Variants in OXR1 observed in about 807,000 individuals in gnomAD.
OXR1 encodes oxidation resistance 1.
OXR1 carries 41 observed loss-of-function variants against 104.6 expected under a neutral mutation model. The ratio of observed to expected loss-of-function variants is 0.39; its 90% confidence interval spans 0.31 to 0.51. OXR1 has a LOEUF of 0.51. Among genes scored for constraint, OXR1 ranks in the 20% least tolerant of loss-of-function variants. OXR1 has a pLI of 0.77. For synonymous variants in OXR1, 348 were observed against 348.4 expected (o/e 1.00, Z 0.01); for missense variants, 955 against 1,031.9 (o/e 0.93, Z 1.02).
At chr8:106,563,168 C>T (rs1409478106) in intron 3 of OXR1, among the ~76,000 whole-genome samples, 2 of 151,812 alleles carry the variant, frequency 1.3e-5, no homozygotes, top group Non-Finnish European at 1.5e-5. Flanking sequence ...TTAAAAGGCA[C>T]AGACTGGCAA....
intron 3 of OXR1, among the ~76,000 whole-genome samples, chr8:106,669,159 A>C (rs1253070220): frequency 1.3e-5 from 2 of 152,108 alleles, no homozygotes; most frequent in African/African-American, 4.8e-5. Context: ...GGAAAGAGGA[A>C]CATGCAGAAG....
intron 11 of OXR1, among the ~76,000 whole-genome samples, chr8:106,719,546 T>C (rs900654960): frequency 6.6e-6 from 1 of 152,210 alleles, no homozygotes; most frequent in African/African-American, 2.4e-5. Flanking sequence ...TCTCAAATGC[T>C]GCAGTTAGTT....
chr8:106,501,674 C>G (rs1448056105), intron 2 of OXR1, among the ~76,000 whole-genome samples: 1 of 152,140 alleles, frequency 6.6e-6, no homozygotes, highest in African/African-American at 2.4e-5. Context: ...CTCTGCAGAA[C>G]AAAATCCTTT....
In OXR1 at chr8:106,474,013, AC is replaced by A. The variant is rs1337124439; in HGVS notation, c.24-44929del. On this transcript the variant is annotated intron_variant, in intron 2 of 16. Coordinates refer to ENST00000517566, the MANE Select transcript of OXR1 (RefSeq NM_001198533.2). ...TATAATATATGTATTGTATATTTAT[AC>A]ACACACACACACACACACACACACA... is the stretch of plus-strand genomic sequence containing the variant. Among the ~76,000 whole-genome samples, 3 of 21,918 alleles carry A rather than the reference AC, an allele frequency of 1.4e-4. No individual in the cohort carries two copies. In the African/African-American group the frequency reaches 3.6e-3, roughly 26 times the overall value. The allele number at this position is 21,918 out of a possible 152,430, so 14.4% of individuals were successfully genotyped here. A position where few individuals can be genotyped will look rare whatever the true frequency, so the allele number is the denominator to read the frequency against.
chr8:106,590,149 CAA>C (rs1368050067), intron 3 of OXR1, among the ~76,000 whole-genome samples: 2 of 152,322 alleles, frequency 1.3e-5, no homozygotes, highest in African/African-American at 4.8e-5. Flanking sequence ...AAAGTAATTT[CAA>C]AGAGTTACGA....
At chr8:106,638,920 A>C (rs199783280) in intron 3 of OXR1, among the ~76,000 whole-genome samples, 53,140 of 139,864 alleles carry the variant, frequency 0.38, 10,074 homozygotes, top group African/African-American at 0.53. Flanking sequence ...CCTATAAAAC[A>C]ACACAACAAA....
chr8:106,400,444 A>C (rs747343030), intron 2 of OXR1, among the ~76,000 whole-genome samples: 1 of 152,214 alleles, frequency 6.6e-6, no homozygotes, highest in Non-Finnish European at 1.5e-5. Context: ...GATGAAACAC[A>C]ATGAATATTT....
At chr8:106,273,248 A>T (rs1811890729) in intron 1 of OXR1, among the ~76,000 whole-genome samples, 1 of 152,094 alleles carries the variant, frequency 6.6e-6, no homozygotes, top group Admixed American at 6.5e-5. Flanking sequence ...TACAAAGAAA[A>T]AAAAAAAAGA....
chr8:106,706,690 C>T lies in OXR1; in HGVS notation c.1169C>T (p.Thr390Ile). 1 of 1,613,000 alleles carries T rather than the reference C, an allele frequency of 6.2e-7. No individual in the cohort carries two copies. Among genetic ancestry groups the T allele is most frequent in the Non-Finnish European group, 8.5e-7 (1 of 1,179,490 alleles). ...SLTVKSESTG[T>I]PGHLRSDTEH... The stretch of plus-strand genomic sequence containing the variant: ...ACAGTCAAATCAGAATCTACTGGTA[C>T]TCCTGGTCACTTAAGATCTGATACT... Residue 390 changes from threonine to isoleucine, a missense_variant, in exon 9 of 17, where the codon ACT becomes ATT. By Grantham distance (89) the Thr-to-Ile change is moderately conservative (BLOSUM62 -1). Transcript: ENST00000517566.
chr8:106,329,538 G>C (rs1814624753), intron 1 of OXR1, among the ~76,000 whole-genome samples: 1 of 151,944 alleles, frequency 6.6e-6, no homozygotes, highest in South Asian at 2.1e-4. Flanking sequence ...TAGTAAAGAC[G>C]GGGTTTCACC....
At chr8:106,384,056 G>A (rs564802566) in intron 2 of OXR1, among the ~76,000 whole-genome samples, 14 of 152,320 alleles carry the variant, frequency 9.2e-5, no homozygotes, top group African/African-American at 2.6e-4. Context: ...ATAGTAGTTA[G>A]ATCACATGTA....
At chr8:106,405,136 A>G (rs1422851968) in intron 2 of OXR1, among the ~76,000 whole-genome samples, 2 of 109,612 alleles carry the variant, frequency 1.8e-5, no homozygotes, top group African/African-American at 7.2e-5. Context: ...CCAATTCAGA[A>G]ACCACATATA....
intron 3 of OXR1, among the ~76,000 whole-genome samples, chr8:106,573,321 G>A (rs995029179): frequency 4.1e-5 from 6 of 145,772 alleles, no homozygotes; most frequent in Admixed American, 1.4e-4. Flanking sequence ...CAGTCAAGTT[G>A]ACACCTACAA....
chr8:106,321,306 G>T (rs1321271265), intron 1 of OXR1, among the ~76,000 whole-genome samples: 1 of 152,114 alleles, frequency 6.6e-6, no homozygotes, highest in Admixed American at 6.6e-5. Context: ...AAATGTAATG[G>T]ATTTTATAGT....
At position 106,485,089 on chromosome 8, in the gene OXR1, G is replaced by A. The variant is rs906058375; in HGVS notation, c.24-33854G>A. Among the ~76,000 whole-genome samples the A allele has an allele frequency of 3.3e-5, 5 of 151,930 alleles. No homozygotes were observed. In the South Asian group the frequency reaches 1.0e-3, roughly 31 times the overall value. Reference sequence around the variant, plus strand: ...AATCTGAAAAGACTACCTACTGTATGATTGAAACTATATGACATTTGAAAA... The same window carrying A: ...AATCTGAAAAGACTACCTACTGTATAATTGAAACTATATGACATTTGAAAA... On this transcript the variant is annotated intron_variant, in intron 2 of 16. Transcript: ENST00000517566.
intron 1 of OXR1, among the ~76,000 whole-genome samples, chr8:106,279,093 G>C (rs1233381348): frequency 1.3e-5 from 2 of 152,090 alleles, no homozygotes; most frequent in African/African-American, 4.8e-5. Flanking sequence ...AAGTTGAAAG[G>C]TATTCTTTCA....
At chr8:106,523,778 T>A (rs572279889) in intron 3 of OXR1, among the ~76,000 whole-genome samples, 72 of 90,676 alleles carry the variant, frequency 7.9e-4, no homozygotes, top group African/African-American at 2.0e-3. Flanking sequence ...GGAGTGGAAA[T>A]TTTTTTTTTT....
intron 1 of OXR1, among the ~76,000 whole-genome samples, chr8:106,345,706 A>C (rs778922920): frequency 6.6e-6 from 1 of 152,222 alleles, no homozygotes; most frequent in Non-Finnish European, 1.5e-5. Context: ...CACATAAAAC[A>C]TACGTTTGAT....
intron 3 of OXR1, among the ~76,000 whole-genome samples, chr8:106,599,469 A>T (rs1161973229): frequency 6.6e-6 from 1 of 152,222 alleles, no homozygotes; most frequent in Non-Finnish European, 1.5e-5. Flanking sequence ...AACCAGGAAC[A>T]AAAGGAGATT....
Sources: allele counts gnomAD v4.1 joint callset (sites outside exome capture counted in the v4.1 genomes callset), GRCh38; gene constraint gnomAD v4.1.1; transcripts MANE v1.5; gene names NCBI Gene and HGNC (gene_info 2026-07-23, HGNC 2026-07-21).